Variants in ACER2 observed in about 807,000 individuals in gnomAD.
The protein encoded by ACER2 is alkaline ceramidase 2, also known as alkCDase 2.
In ACER2, 26 loss-of-function variants were observed where a neutral mutation model predicts 34.7. The observed-to-expected ratio is 0.75, with a 90% confidence interval of 0.55 to 1.04. The LOEUF (loss-of-function observed/expected upper bound fraction) is 1.04. Ranked by LOEUF, ACER2 falls within the 50% of genes least tolerant of loss-of-function variation. ACER2 has a pLI of 0.00. For missense variants in ACER2, 352 were observed against 340.8 expected, an observed-to-expected ratio of 1.03 and a Z score of -0.26; for synonymous variants, 138 against 132.1, an observed-to-expected ratio of 1.04 and a Z score of -0.31.
At chr9:19,446,216 A>G in intron 4 of ACER2, 65 bp from the exon 5 acceptor site, 1 of 1,612,820 alleles carries the variant, frequency 6.2e-7, no homozygotes, top group African/African-American at 1.3e-5. Flanking sequence ...AGACACAGGA[A>G]AGGTGGCCAG....
At position 19,423,872 on chromosome 9, in the gene ACER2, T is replaced by C. The variant is rs1482711799; in HGVS notation, c.119T>C (p.Val40Ala). The C allele has an allele frequency of 6.2e-7, 1 of 1,613,374 alleles. No homozygotes were observed. The highest frequency in any genetic ancestry group is 1.3e-5 in the African/African-American group (1 of 74,898). ...IAEFYNTISN[V>A]LFFILPPICM... ...ATTTTTTTCCTGCAGATCAGCAATG[T>C]CTTATTTTTCATTTTACCGCCCATC... is the stretch of plus-strand genomic sequence containing the variant. Residue 40 changes from valine (V) to alanine (A), a missense_variant, in exon 2 of 6, where the codon GTC becomes GCC. Coordinates refer to ENST00000340967, the MANE Select transcript of ACER2 (RefSeq NM_001010887.3).
In ACER2 at chr9:19,450,654, G is replaced by T. The variant is rs774834829; in HGVS notation, c.*18G>T. On this transcript the variant is annotated 3_prime_UTR_variant, in exon 6 of 6. Transcript: ENST00000340967. ...TCACGTGATGGCAAGATGGTGGCTG[G>T]CTTCTCTGCTTATCGCCCCTCATGC... 5.9e-6 allele frequency: 9 copies of T among 1,531,076 alleles called. No homozygotes were observed. In the South Asian group the frequency reaches 1.1e-4, roughly 19 times the overall value. The allele number at this position is 1,531,076 out of a possible 1,614,324, so 94.8% of individuals were successfully genotyped here.
Position 19,421,078 on chromosome 9 carries a change from A to T in ACER2, c.109-2784A>T, listed in dbSNP as rs907234441. Among the ~76,000 whole-genome samples the T allele has an allele frequency of 2.6e-5, 4 of 152,178 alleles. No individual in the cohort carries two copies. In the East Asian group the frequency reaches 5.8e-4, roughly 22 times the overall value. Reference sequence around the variant, plus strand: ...TGCTCATAGGCTATAAACCTGTACAACCTGTTACTGTACTGGACACTGTAG... The same window carrying T: ...TGCTCATAGGCTATAAACCTGTACATCCTGTTACTGTACTGGACACTGTAG... On this transcript the variant is annotated intron_variant, in intron 1 of 5. Coordinates refer to ENST00000340967, the MANE Select transcript of ACER2 (RefSeq NM_001010887.3).
intron 5 of ACER2, among the ~76,000 whole-genome samples, chr9:19,449,075 A>G (rs938653534): frequency 2.0e-5 from 3 of 152,218 alleles, no homozygotes; most frequent in African/African-American, 7.2e-5. Context: ...GATTGAAGTG[A>G]GCTGAGATTG....
At chr9:19,445,756 C>A (rs897483472) in intron 4 of ACER2, among the ~76,000 whole-genome samples, 10 of 152,088 alleles carry the variant, frequency 6.6e-5, no homozygotes, top group African/African-American at 2.2e-4. Context: ...GCATCCGGGG[C>A]CTTGTGGCCA....
At chr9:19,438,202 G>C (rs1781092579) in intron 4 of ACER2, among the ~76,000 whole-genome samples, 1 of 152,170 alleles carries the variant, frequency 6.6e-6, no homozygotes, top group African/African-American at 2.4e-5. Flanking sequence ...ATTTGAAATT[G>C]AATAATAATA....
intron 4 of ACER2, among the ~76,000 whole-genome samples, 193 bp downstream of exon 4, chr9:19,435,277 C>A (rs1183053501): frequency 6.6e-6 from 1 of 152,188 alleles, no homozygotes. Flanking sequence ...AGGAGGGGAG[C>A]AGCTGTTGAG....
intron 3 of ACER2, among the ~76,000 whole-genome samples, chr9:19,430,506 T>C (rs1223940875): frequency 6.6e-6 from 1 of 152,182 alleles, no homozygotes; most frequent in Non-Finnish European, 1.5e-5. Flanking sequence ...GACTCTGGGG[T>C]CTGCTGGGCT....
At chr9:19,437,214 A>C (rs1349403499) in intron 4 of ACER2, among the ~76,000 whole-genome samples, 2 of 152,100 alleles carry the variant, frequency 1.3e-5, no homozygotes, top group Non-Finnish European at 2.9e-5. Context: ...AGCCTTCCTA[A>C]ACTGTAATAG....
intron 1 of ACER2, among the ~76,000 whole-genome samples, chr9:19,421,545 A>T (rs569155310): frequency 2.6e-5 from 4 of 152,356 alleles, no homozygotes; most frequent in African/African-American, 9.6e-5. Context: ...TTTAGAATAG[A>T]TAAAATCATA....
chr9:19,432,699 G>C (rs1235155280), intron 3 of ACER2, among the ~76,000 whole-genome samples: 1 of 146,898 alleles, frequency 6.8e-6, no homozygotes, highest in African/African-American at 2.5e-5. Flanking sequence ...GTATAATATA[G>C]TTATATATAA....
At chr9:19,428,472 C>T (rs773444813) in intron 3 of ACER2, among the ~76,000 whole-genome samples, 1 of 151,910 alleles carries the variant, frequency 6.6e-6, no homozygotes, top group Non-Finnish European at 1.5e-5. Flanking sequence ...CTGGCCTTTG[C>T]TGGAATATTC....
intron 4 of ACER2, among the ~76,000 whole-genome samples, chr9:19,435,975 G>C (rs1830955252): frequency 6.6e-6 from 1 of 152,096 alleles, no homozygotes; most frequent in African/African-American, 2.4e-5. Context: ...TGTGAACCCG[G>C]GAGGCGGAGC....
At chr9:19,434,808 C>A in intron 3 of ACER2, 139 bp from the exon 4 acceptor site, 1 of 1,115,810 alleles carries the variant, frequency 9.0e-7, no homozygotes. Context: ...CCGTGAGTGG[C>A]TTTTTGAACC....
At chr9:19,418,680 A>T (rs1465237720) in intron 1 of ACER2, among the ~76,000 whole-genome samples, 1 of 152,110 alleles carries the variant, frequency 6.6e-6, no homozygotes, top group African/African-American at 2.4e-5. Context: ...AACATCACAC[A>T]CCGGGGCCTT....
At chr9:19,444,273 G>A (rs1234247233) in intron 4 of ACER2, among the ~76,000 whole-genome samples, 5 of 149,572 alleles carry the variant, frequency 3.3e-5, no homozygotes, top group Non-Finnish European at 7.4e-5. Flanking sequence ...GTGCAGTGGC[G>A]CGATCTCGGC....
intron 3 of ACER2, among the ~76,000 whole-genome samples, chr9:19,433,222 T>C (rs1337650015): frequency 7.3e-6 from 1 of 137,104 alleles, no homozygotes; most frequent in Non-Finnish European, 1.5e-5. Flanking sequence ...GGCAGGGTCA[T>C]AGGACAATAG....
chr9:19,433,960 C>T (rs1387828217), intron 3 of ACER2, among the ~76,000 whole-genome samples: 4 of 151,846 alleles, frequency 2.6e-5, no homozygotes, highest in Non-Finnish European at 5.9e-5. Context: ...GCTGACCCCC[C>T]CACCTCCCTC....
At chr9:19,428,279 T>G (rs574901293) in intron 3 of ACER2, among the ~76,000 whole-genome samples, 2 of 152,156 alleles carry the variant, frequency 1.3e-5, no homozygotes, top group South Asian at 4.1e-4. Context: ...GTGATTCTCC[T>G]GCCTCAGCCT....
Sources: allele counts gnomAD v4.1 joint callset (sites outside exome capture counted in the v4.1 genomes callset), GRCh38; gene constraint gnomAD v4.1.1; transcripts MANE v1.5; gene names NCBI Gene and HGNC (gene_info 2026-07-23, HGNC 2026-07-21).